ADAM10: variants seen among roughly 807,000 people sequenced by gnomAD.
ADAM10 encodes the protein disintegrin and metalloproteinase domain-containing protein 10.
A neutral mutation model predicts 90.1 loss-of-function variants in ADAM10; 17 were observed. The observed-to-expected ratio is 0.19, with a 90% CI of 0.13 to 0.28. The LOEUF is 0.28. Among genes scored for constraint, ADAM10 ranks in the 10% least tolerant of loss-of-function variants. The probability of loss-of-function intolerance (pLI) is 1.00; values close to 1 mark genes in which losing one functional copy is unlikely to be tolerated. For missense variants in ADAM10, 610 were observed against 914.3 expected (o/e 0.67, Z 4.29); for synonymous variants, 310 against 298.6 (o/e 1.04, Z -0.40).
At chr15:58,707,055 A>T (rs1214722764) in intron 2 of ADAM10, among the ~76,000 whole-genome samples, 1 of 126,740 alleles carries the variant, frequency 7.9e-6, no homozygotes, top group Non-Finnish European at 1.6e-5. Flanking sequence ...AAAAGAAAAG[A>T]AAAGAAATTC....
At chr15:58,688,918 A>C (rs1274648904) in intron 2 of ADAM10, among the ~76,000 whole-genome samples, 10 of 150,286 alleles carry the variant, frequency 6.7e-5, no homozygotes, top group Admixed American at 2.0e-4. Context: ...AAAAAAAAAA[A>C]ACCCAGAGCC....
intron 1 of ADAM10, among the ~76,000 whole-genome samples, chr15:58,744,729 G>A (rs1899730136): frequency 6.6e-6 from 1 of 152,220 alleles, no homozygotes; most frequent in Non-Finnish European, 1.5e-5. Flanking sequence ...CCCAAAACTG[G>A]CCAGGCACAG....
rs186310656 is a variant in ADAM10 at position 58,591,859 on chromosome 15, T to C, written c.*5688A>G. The C allele has an allele frequency of 6.6e-6, 1 of 152,194 alleles. No individual in the cohort carries two copies. Among genetic ancestry groups the C allele is most frequent in the Non-Finnish European group, 1.5e-5 (1 of 68,030 alleles). 9.4% of individuals were successfully genotyped at this position (152,194 alleles called of 1,614,324 possible). On this transcript the variant is annotated 3_prime_UTR_variant, in exon 16 of 16. Coordinates refer to ENST00000260408, the MANE Select transcript of ADAM10 (RefSeq NM_001110.4). ...TAATTAAAAACCTTAATATCAAATATCCACTTTTCACATTTTTCCAATGGT... is the reference window on the plus strand; with the variant it reads ...TAATTAAAAACCTTAATATCAAATACCCACTTTTCACATTTTTCCAATGGT...
At chr15:58,667,880 T>C (rs1307615747) in intron 4 of ADAM10, among the ~76,000 whole-genome samples, 1 of 152,060 alleles carries the variant, frequency 6.6e-6, no homozygotes, top group Non-Finnish European at 1.5e-5. Flanking sequence ...TTCTCATGTC[T>C]TCCCAATCCC....
chr15:58,741,937 C>A (rs1156734944), intron 1 of ADAM10, among the ~76,000 whole-genome samples: 2 of 152,176 alleles, frequency 1.3e-5, no homozygotes, highest in South Asian at 4.1e-4. Flanking sequence ...CGATTCCAGG[C>A]AAGTAAACCT....
At chr15:58,663,342 A>C (rs1897012162) in intron 5 of ADAM10, among the ~76,000 whole-genome samples, 1 of 152,100 alleles carries the variant, frequency 6.6e-6, no homozygotes, top group South Asian at 2.1e-4. Context: ...TACTAATTTG[A>C]GATTGCATCT....
intron 10 of ADAM10, 60 bp from the exon 11 acceptor site, chr15:58,621,681 T>A: frequency 6.3e-7 from 1 of 1,594,318 alleles, no homozygotes; most frequent in Admixed American, 1.7e-5. Flanking sequence ...TTATTTAAAA[T>A]TCACAAATTC....
chr15:58,628,131 T>C lies in ADAM10; in HGVS notation c.1177-248A>G, dbSNP rs554637740. 7.2e-5 allele frequency among the ~76,000 whole-genome samples: 11 copies of C among 152,342 alleles called. No homozygotes were observed. The South Asian group carries it at 2.3e-3, about 32-fold the overall frequency. Reference sequence around the variant, plus strand: ...AATTTATAGCTTTGTAAGCAGGGACTAGAATTGAGGACAGACTGTCATAAA... The same window carrying C: ...AATTTATAGCTTTGTAAGCAGGGACCAGAATTGAGGACAGACTGTCATAAA... On this transcript the variant is annotated intron_variant, in intron 9 of 15. Transcript: ENST00000260408.
intron 9 of ADAM10, among the ~76,000 whole-genome samples, 166 bp from the exon 10 acceptor site, chr15:58,628,049 C>T (rs1895996737): frequency 6.6e-6 from 1 of 152,146 alleles, no homozygotes; most frequent in Non-Finnish European, 1.5e-5. Context: ...AGAATTTGCT[C>T]TTTTAGGGGT....
chr15:58,749,366 C>CGGGGGGGGGGGGGGGGGGG, intron 1 of ADAM10, 114 bp downstream of exon 1: 2 of 1,206,378 alleles, frequency 1.7e-6, no homozygotes, highest in Non-Finnish European at 2.1e-6. Flanking sequence ...AGTGGCGCCG[C>CGGGGGGGGGGGGGGGGGGG]TGGCCGGCTG....
intron 11 of ADAM10, among the ~76,000 whole-genome samples, chr15:58,615,276 G>GAAA (rs35628107): frequency 7.2e-4 from 61 of 84,730 alleles, no homozygotes; most frequent in Non-Finnish European, 9.4e-4. Context: ...TCCGTCTGAA[G>GAAA]AAAAAAAAAA....
chr15:58,676,533 A>C (rs1308701691), intron 4 of ADAM10, among the ~76,000 whole-genome samples: 1 of 152,210 alleles, frequency 6.6e-6, no homozygotes, highest in African/African-American at 2.4e-5. Flanking sequence ...TTTTTGTTTG[A>C]CATGAAAACT....
chr15:58,678,973 A>T, intron 4 of ADAM10, 151 bp downstream of exon 4: 1 of 746,748 alleles, frequency 1.3e-6, no homozygotes, highest in Non-Finnish European at 2.2e-6. Flanking sequence ...TATATCTACT[A>T]TTCCTTAAAT....
chr15:58,746,390 G>T (rs1208968554), intron 1 of ADAM10, among the ~76,000 whole-genome samples: 1 of 152,148 alleles, frequency 6.6e-6, no homozygotes, highest in Admixed American at 6.5e-5. Flanking sequence ...TCAGAGAAGT[G>T]CCTGCCATGC....
chr15:58,655,687 T>TAC (rs57182110), intron 5 of ADAM10, among the ~76,000 whole-genome samples: 1,309 of 80,202 alleles, frequency 0.016, 121 homozygotes, highest in East Asian at 0.1. Flanking sequence ...CATATATATA[T>TAC]TATATATAGT....
At chr15:58,730,993 T>C (rs1178450786) in intron 1 of ADAM10, among the ~76,000 whole-genome samples, 4 of 152,178 alleles carry the variant, frequency 2.6e-5, no homozygotes, top group African/African-American at 9.7e-5. Context: ...GCTTGCAGAC[T>C]GCCTATCATG....
chr15:58,684,570 A>T (rs1307425010), intron 2 of ADAM10, among the ~76,000 whole-genome samples: 1 of 152,242 alleles, frequency 6.6e-6, no homozygotes, highest in Admixed American at 6.5e-5. Flanking sequence ...AGTTGATTGG[A>T]GGGTAGTGAA....
chr15:58,677,717 C>T (rs1054313300), intron 4 of ADAM10, among the ~76,000 whole-genome samples: 4 of 152,158 alleles, frequency 2.6e-5, no homozygotes, highest in Admixed American at 2.0e-4. Flanking sequence ...TGGCAGATTA[C>T]GCTTTTCCTC....
intron 5 of ADAM10, among the ~76,000 whole-genome samples, chr15:58,658,444 C>T (rs193290274): frequency 1.2e-3 from 180 of 152,236 alleles, no homozygotes; most frequent in Middle Eastern, 3.4e-3. Context: ...AATCTTCCAT[C>T]CTTGTTCTTT....
Sources: gnomAD v4.1 joint callset for allele counts (sites outside exome capture counted in the v4.1 genomes callset) on GRCh38, gnomAD v4.1.1 for gene constraint, MANE v1.5 for transcripts, NCBI Gene and HGNC (gene_info 2026-07-23, HGNC 2026-07-21) for gene names.